The following LBP variants were observed in gnomAD, a reference collection of about 807,000 sequenced individuals.
LBP encodes lipopolysaccharide binding protein.
In LBP, 53 loss-of-function variants were observed where a neutral mutation model predicts 56.6. The observed-to-expected ratio is 0.94, with a 90% CI of 0.75 to 1.18. The LOEUF (loss-of-function observed/expected upper bound fraction) is 1.18, where lower values mean the gene tolerates loss of function less well. Ranked by LOEUF, LBP falls within the 50% of genes most tolerant of loss-of-function variation. The pLI is 0.00. For synonymous variants in LBP, 227 were observed against 247.5 expected, an observed-to-expected ratio of 0.92 and a Z score of 0.78; for missense variants, 601 against 598.3, an observed-to-expected ratio of 1.00 and a Z score of -0.05.
At chr20:38,355,243 G>A in intron 4 of LBP, 103 bp from the exon 5 acceptor site, 1 of 1,010,466 alleles carries the variant, frequency 9.9e-7, no homozygotes. Flanking sequence ...AAGGGGTGGA[G>A]AGGGCTCCCT....
At chr20:38,366,680 C>A (rs2076883159) in intron 8 of LBP, 89 bp from the exon 9 acceptor site, 1 of 1,230,678 alleles carries the variant, frequency 8.1e-7, no homozygotes, top group Admixed American at 1.7e-5. Context: ...AAGCGACAGT[C>A]TTGCACATCC....
intron 13 of LBP, 29 bp downstream of exon 13, chr20:38,373,164 C>T (rs777956557): frequency 6.4e-7 from 1 of 1,567,624 alleles, no homozygotes; most frequent in South Asian, 1.1e-5. Flanking sequence ...TTTTCCAAGT[C>T]AAAAGTGAAC....
At chr20:38,349,514 A>G in intron 1 of LBP, 34 bp from the exon 2 acceptor site, 1 of 1,521,126 alleles carries the variant, frequency 6.6e-7, no homozygotes, top group Non-Finnish European at 9.0e-7. Context: ...AGGCAGGCAG[A>G]TCAAGCTGAC....
intron 5 of LBP, among the ~76,000 whole-genome samples, chr20:38,357,902 A>C (rs1456511116): frequency 6.6e-6 from 1 of 152,226 alleles, no homozygotes; most frequent in African/African-American, 2.4e-5. Flanking sequence ...GTCTTTTAGC[A>C]TGCCAATGTA....
At chr20:38,356,406 C>T (rs970316893) in intron 5 of LBP, among the ~76,000 whole-genome samples, 1 of 120,252 alleles carries the variant, frequency 8.3e-6, no homozygotes, top group African/African-American at 3.4e-5. Context: ...ACACCCCCCA[C>T]ACCACACACA....
chr20:38,359,769 G>T (rs911839071), intron 5 of LBP, among the ~76,000 whole-genome samples: 1 of 152,136 alleles, frequency 6.6e-6, no homozygotes, highest in Non-Finnish European at 1.5e-5. Flanking sequence ...AATAATTCGG[G>T]TGATTACAGT....
At chr20:38,356,437 CA>C (rs2076840883) in intron 5 of LBP, among the ~76,000 whole-genome samples, 2 of 146,770 alleles carry the variant, frequency 1.4e-5, no homozygotes, top group Non-Finnish European at 1.5e-5. Flanking sequence ...CACACACACA[CA>C]CACACACACA....
At chr20:38,372,056 T>G (rs926089792) in intron 12 of LBP, among the ~76,000 whole-genome samples, 2 of 152,170 alleles carry the variant, frequency 1.3e-5, no homozygotes, top group African/African-American at 4.8e-5. Context: ...GCTGAGCAGG[T>G]AAATCCAAGA....
At position 38,370,834 on chromosome 20, in the gene LBP, T is replaced by TG. The variant is rs747628920; in HGVS notation, c.1217+30dup. The TG allele has an allele frequency of 1.9e-6, 3 of 1,573,436 alleles. No individual in the cohort carries two copies. The Admixed American group carries it at 5.0e-5, about 26-fold the overall frequency. On this transcript the variant is annotated intron_variant, in intron 11 of 14. Coordinates refer to ENST00000217407, the MANE Select transcript of LBP (RefSeq NM_004139.5). ...AGTTGGCCTCCTACCTACATGGGGG[T>TG]GCCCAGCTGGACTCCATCTGTATGC...
intron 8 of LBP, among the ~76,000 whole-genome samples, chr20:38,366,446 G>A (rs1398849635): frequency 2.0e-5 from 3 of 152,322 alleles, no homozygotes; most frequent in Non-Finnish European, 2.9e-5. Flanking sequence ...GGATAAGGAA[G>A]TTGAGGTTCA....
chr20:38,363,346 C>G (rs1307238180), intron 6 of LBP, among the ~76,000 whole-genome samples: 1 of 152,220 alleles, frequency 6.6e-6, no homozygotes, highest in East Asian at 1.9e-4. Context: ...ATAAGTCCCC[C>G]ACTGATGGAC....
intron 3 of LBP, 95 bp downstream of exon 3, chr20:38,351,034 C>A: frequency 6.7e-7 from 1 of 1,496,620 alleles, no homozygotes; most frequent in East Asian, 2.3e-5. Flanking sequence ...ATCAGAAAGG[C>A]CACGTGATGG....
chr20:38,368,067 G>T (rs1445215179), intron 9 of LBP, among the ~76,000 whole-genome samples: 1 of 151,926 alleles, frequency 6.6e-6, no homozygotes, highest in African/African-American at 2.4e-5. Flanking sequence ...AAGAAAGAAA[G>T]AAATGTTCTG....
chr20:38,350,301 G>C (rs745524235), intron 2 of LBP, among the ~76,000 whole-genome samples: 1 of 152,138 alleles, frequency 6.6e-6, no homozygotes, highest in Non-Finnish European at 1.5e-5. Flanking sequence ...CTATGTGCCC[G>C]GCAAATAAAA....
chr20:38,376,360 T>G lies in LBP; in HGVS notation c.1402-265T>G, dbSNP rs565414738. ...CATTATTTGCCAAAGAGAGAAAATT[T>G]AGGTGACGCAAAGGACACTTAGAGG... is the stretch of plus-strand genomic sequence containing the variant. On this transcript the variant is annotated intron_variant, in intron 14 of 14. Transcript: ENST00000217407. Among the ~76,000 whole-genome samples, 17 of 152,238 alleles carry G rather than the reference T, an allele frequency of 1.1e-4. No individual in the cohort carries two copies. The South Asian group carries it at 3.5e-3, about 32-fold the overall frequency.
At position 38,373,919 on chromosome 20, in the gene LBP, T is replaced by G; in HGVS notation, c.1325-18T>G. The G allele has an allele frequency of 6.2e-7, 1 of 1,609,736 alleles. No homozygotes were observed. Among genetic ancestry groups the G allele is most frequent in the Non-Finnish European group, 8.5e-7 (1 of 1,176,018 alleles). On this transcript the variant is annotated intron_variant, in intron 13 of 14. Coordinates refer to ENST00000217407, the MANE Select transcript of LBP (RefSeq NM_004139.5). The stretch of plus-strand genomic sequence containing the variant: ...ATTTATTCACCAATCTCTTTCAATG[T>G]TGTGCTTCAACCTCTAGATAAGTTG...
chr20:38,368,768 A>G (rs2076891238), intron 9 of LBP, among the ~76,000 whole-genome samples: 1 of 152,214 alleles, frequency 6.6e-6, no homozygotes, highest in South Asian at 2.1e-4. Flanking sequence ...CCATCGCAGG[A>G]CCCATACATA....
chr20:38,366,906 T>C (rs990823628), intron 9 of LBP, 78 bp downstream of exon 9: 2 of 1,308,078 alleles, frequency 1.5e-6, no homozygotes, highest in African/African-American at 1.4e-5. Context: ...AACCTCTGCA[T>C]CTCTCAGCTT....
At chr20:38,346,670 G>T in intron 1 of LBP, 30 bp downstream of exon 1, 1 of 1,612,154 alleles carries the variant, frequency 6.2e-7, no homozygotes, top group South Asian at 1.1e-5. Flanking sequence ...GGCTGGACTT[G>T]GCAAACCCAC....
Sources: allele counts gnomAD v4.1 joint callset (sites outside exome capture counted in the v4.1 genomes callset), GRCh38; gene constraint gnomAD v4.1.1; transcripts MANE v1.5; gene names NCBI Gene and HGNC (gene_info 2026-07-23, HGNC 2026-07-21).